Variants in PLEKHG3 observed in about 807,000 individuals in gnomAD.
The protein encoded by PLEKHG3 is pleckstrin homology and RhoGEF domain containing G3, also known as pleckstrin homology domain-containing family G member 3.
In PLEKHG3, 62 loss-of-function variants were observed where a neutral mutation model predicts 94.9. The observed-to-expected ratio is 0.65, with a 90% CI of 0.53 to 0.81. The LOEUF (loss-of-function observed/expected upper bound fraction) is 0.81. Among genes scored for constraint, PLEKHG3 ranks in the 30% least tolerant of loss-of-function variants. The pLI is 0.00. For missense variants in PLEKHG3, 1,461 were observed against 1,619.3 expected (o/e 0.90, Z 1.68); for synonymous variants, 614 against 654.0 (o/e 0.94, Z 0.93).
Position 64,712,427 on chromosome 14 carries a change from T to C in PLEKHG3, c.-40+7723T>C, listed in dbSNP as rs187950400. 4.4e-3 allele frequency among the ~76,000 whole-genome samples: 667 copies of C among 152,370 alleles called. 24 individuals are homozygous for C. The highest frequency in any genetic ancestry group is 0.039 in the Admixed American group (599 of 15,308). ...TAGATTGGTTTGTTGAGTATTGCCA[T>C]ATTAACAATGTTAAATGTTCCATTC... On this transcript the variant is annotated intron_variant, in intron 1 of 16. Transcript: ENST00000247226.
At position 64,750,195 on chromosome 14, in the gene PLEKHG3, T is replaced by C. The variant is rs566655274; in HGVS notation, c.*6492T>C. 1.1e-5 allele frequency: 18 copies of C among 1,601,204 alleles called. No individual in the cohort carries two copies. The highest frequency in any genetic ancestry group is 5.5e-5 in the South Asian group (5 of 90,186). Reference sequence around the variant, plus strand: ...CAGGCAGGTCACCCACATCCTGATATGGTATCTCTAGAGTCAATTCCTATA... The same window carrying C: ...CAGGCAGGTCACCCACATCCTGATACGGTATCTCTAGAGTCAATTCCTATA... On this transcript the variant is annotated 3_prime_UTR_variant, in exon 17 of 17. Transcript: ENST00000247226.
Position 64,730,149 on chromosome 14 carries a change from C to CT in PLEKHG3, c.450-93dup. The CT allele has an allele frequency of 1.4e-6, 1 of 704,558 alleles. No homozygotes were observed. Among genetic ancestry groups the CT allele is most frequent in the Non-Finnish European group, 2.5e-6 (1 of 400,452 alleles). 43.6% of individuals were successfully genotyped at this position (704,558 alleles called of 1,614,324 possible). ...TTCTTTAGCAAAGCAATAGGGCTGGCTGTCAGTCAGGGTTTGGGAGGTTGG... is the reference window on the plus strand; with the variant it reads ...TTCTTTAGCAAAGCAATAGGGCTGGCTTGTCAGTCAGGGTTTGGGAGGTTGG... On this transcript the variant is annotated intron_variant, in intron 3 of 16. Transcript: ENST00000247226. This position sits in a 1 kb window ranked among gnomAD's most constrained non-coding sequence, Gnocchi z 5.4.
In PLEKHG3 at chr14:64,742,916, C is replaced by T. The variant is rs535252721; in HGVS notation, c.2939-66C>T. 3.9e-5 allele frequency: 61 copies of T among 1,560,948 alleles called. 1 individual carries two copies. In the South Asian group the frequency reaches 6.3e-4, roughly 16 times the overall value. ...CCTGGAAAGTGAGTTGGGGCCTGCTCAGAGCACCCCCTTGCAGCTCTGCCC... is the reference window on the plus strand; with the variant it reads ...CCTGGAAAGTGAGTTGGGGCCTGCTTAGAGCACCCCCTTGCAGCTCTGCCC... On this transcript the variant is annotated intron_variant, in intron 16 of 16. Coordinates refer to ENST00000247226, the MANE Select transcript of PLEKHG3 (RefSeq NM_001308147.2).
rs893904967 is a variant in PLEKHG3 at position 64,749,274 on chromosome 14, C to G, written c.*5571C>G. The G allele has an allele frequency of 5.2e-6, 8 of 1,550,022 alleles. No homozygotes were observed. The African/African-American group carries it at 1.1e-4, about 21-fold the overall frequency. On this transcript the variant is annotated 3_prime_UTR_variant, in exon 17 of 17. Coordinates refer to ENST00000247226, the MANE Select transcript of PLEKHG3 (RefSeq NM_001308147.2). The surrounding 1 kb of genome is among the most constrained non-coding windows in gnomAD (Gnocchi z 4.7). ...CCTGGGCTGCCCGGTCTCTGCGCGT[C>G]CCGACTCCGCCGCGCCCGCCAGCCC...
chr14:64,749,194 C>T lies in PLEKHG3; in HGVS notation c.*5491C>T, dbSNP rs1344915527. 22 of 1,350,662 alleles carry T rather than the reference C, an allele frequency of 1.6e-5. No homozygotes were observed. The highest frequency in any genetic ancestry group is 1.8e-5 in the Non-Finnish European group (18 of 992,608). 83.7% of individuals were successfully genotyped at this position (1,350,662 alleles called of 1,614,324 possible). A position where few individuals can be genotyped will look rare whatever the true frequency, so the allele number is the denominator to read the frequency against. ...CAGCGTGGGGCCCGGGGGCCCGGCC[C>T]GCGACTCGACTCATCTCGATTCGAC... On this transcript the variant is annotated 3_prime_UTR_variant, in exon 17 of 17. Transcript: ENST00000247226. This position sits in a 1 kb window ranked among gnomAD's most constrained non-coding sequence, Gnocchi z 4.7.
intron 1 of PLEKHG3, among the ~76,000 whole-genome samples, chr14:64,709,424 C>T (rs1054184298): frequency 6.6e-6 from 1 of 152,144 alleles, no homozygotes; most frequent in African/African-American, 2.4e-5. Flanking sequence ...TACGTAAGCT[C>T]AAGGAATGGA....
Position 64,738,897 on chromosome 14 carries a change from T to C in PLEKHG3, c.1518+42T>C. 1 of 1,292,294 alleles carries C rather than the reference T, an allele frequency of 7.7e-7. No homozygotes were observed. The highest frequency in any genetic ancestry group is 1.1e-6 in the Non-Finnish European group (1 of 909,960). 80.1% of individuals were successfully genotyped at this position (1,292,294 alleles called of 1,614,324 possible). On this transcript the variant is annotated intron_variant, in intron 15 of 16. Transcript: ENST00000247226. This position sits in a 1 kb window ranked among gnomAD's most constrained non-coding sequence, Gnocchi z 4.8. ...TGGGATGGGGATAGTAGGAAGAACT[T>C]GGAGTCCAGATTTTCAAGTCTGCAA...
At chr14:64,736,060 T>C (rs1212314842) in intron 12 of PLEKHG3, among the ~76,000 whole-genome samples, 1 of 152,266 alleles carries the variant, frequency 6.6e-6, no homozygotes, top group African/African-American at 2.4e-5. Context: ...TAGACTTTCC[T>C]TCTGACTCCA....
rs201741095 is a variant in PLEKHG3, at chr14:64,743,060, C to T, written c.3017C>T (p.Ser1006Leu). The T allele has an allele frequency of 5.2e-5, 84 of 1,613,038 alleles. No homozygotes were observed. In the South Asian group the frequency reaches 5.7e-4, roughly 11 times the overall value. The change falls in exon 17 of 17, where the codon TCG becomes TTG. Residue 1006 changes from serine (S) to leucine (L), a missense_variant. Around this residue, in one of 3 missense-constraint regions of PLEKHG3, gnomAD observed 1,201 missense variants for 1,295.5 expected, o/e 0.93. Transcript: ENST00000247226. This position sits in a 1 kb window ranked among gnomAD's most constrained non-coding sequence, Gnocchi z 7.2. ...AQEHSPPKPS[S>L]AGEMSPQRFF... ...GAGCACAGCCCTCCCAAGCCCTCCT[C>T]GGCTGGGGAGATGTCACCACAGCGT... is the stretch of plus-strand genomic sequence containing the variant.
chr14:64,747,365 G>A lies in PLEKHG3; in HGVS notation c.*3662G>A, dbSNP rs1205659933. On this transcript the variant is annotated 3_prime_UTR_variant, in exon 17 of 17. Coordinates refer to ENST00000247226, the MANE Select transcript of PLEKHG3 (RefSeq NM_001308147.2). ...AAAGGCCTACTTTATTGCTAGGTGAGTGCAGTCACCTCACTGCCTTGGTTT... is the reference window on the plus strand; with the variant it reads ...AAAGGCCTACTTTATTGCTAGGTGAATGCAGTCACCTCACTGCCTTGGTTT... 2 of 152,688 alleles carry A rather than the reference G, an allele frequency of 1.3e-5. No individual in the cohort carries two copies. Among genetic ancestry groups the A allele is most frequent in the African/African-American group, 4.8e-5 (2 of 41,460 alleles). The allele number at this position is 152,688 out of a possible 1,614,324, so 9.5% of individuals were successfully genotyped here.
Position 64,743,685 on chromosome 14 carries a change from C to T in PLEKHG3, c.3642C>T (p.Ala1214=), listed in dbSNP as rs1236603964. The part of the protein sequence containing the change: ...RVRNLREKFQ[A]LNSVG ...GAAACCTTAGAGAGAAGTTCCAGGC[C>T]TTGAACTCTGTCGGTTGATGCTGAC... Residue 1214 remains alanine (A), a synonymous_variant, in exon 17 of 17, where the codon GCC becomes GCT. Transcript: ENST00000247226. The surrounding 1 kb of genome is among the most constrained non-coding windows in gnomAD (Gnocchi z 7.2). The T allele has an allele frequency of 6.4e-7, 1 of 1,566,616 alleles. No individual in the cohort carries two copies. The highest frequency in any genetic ancestry group is 8.6e-7 in the Non-Finnish European group (1 of 1,157,840).
rs2081922230 is a variant in PLEKHG3 at position 64,750,127 on chromosome 14, G to A, written c.*6424G>A. 1 of 1,614,058 alleles carries A rather than the reference G, an allele frequency of 6.2e-7. No individual in the cohort carries two copies. Among genetic ancestry groups the A allele is most frequent in the Non-Finnish European group, 8.5e-7 (1 of 1,179,990 alleles). On this transcript the variant is annotated 3_prime_UTR_variant, in exon 17 of 17. Transcript: ENST00000247226. ...TGTAGAAGGTTAGCTCACTGTTCCT[G>A]AGCACACAGTACAGGTTGTTCCAGG...
At position 64,749,428 on chromosome 14, in the gene PLEKHG3, CGTT is replaced by C. The variant is rs770027884; in HGVS notation, c.*5727_*5729del. The C allele has an allele frequency of 7.5e-6, 12 of 1,604,888 alleles. No individual in the cohort carries two copies. The highest frequency in any genetic ancestry group is 1.3e-5 in the African/African-American group (1 of 74,920). On this transcript the variant is annotated 3_prime_UTR_variant, in exon 17 of 17. Transcript: ENST00000247226. The surrounding 1 kb of genome is among the most constrained non-coding windows in gnomAD (Gnocchi z 4.7). ...GCCTTGACGCGGATGCTCTGGGACT[CGTT>C]GATGGCGGTGCTCACGCCCTGCAGC...
At position 64,716,552 on chromosome 14, in the gene PLEKHG3, A is replaced by ACACACAC. The variant is rs2081166673; in HGVS notation, c.-39-11041_-39-11040insCACACAC. ...ACACACACACACACACACACACACA[A>ACACACAC]AGCAGAGTTAATCTCCCACTTCTTC... On this transcript the variant is annotated intron_variant, in intron 1 of 16. Transcript: ENST00000247226. This position sits in a 1 kb window ranked among gnomAD's most constrained non-coding sequence, Gnocchi z 5.0. Among the ~76,000 whole-genome samples the ACACACAC allele has an allele frequency of 1.1e-4, 8 of 74,710 alleles. No homozygotes were observed. The highest frequency in any genetic ancestry group is 4.6e-4 in the South Asian group (1 of 2,196). The allele number at this position is 74,710 out of a possible 152,430, so 49.0% of individuals were successfully genotyped here.
rs773544566 is a variant in PLEKHG3 at position 64,749,992 on chromosome 14, G to A, written c.*6289G>A. 23 of 1,614,106 alleles carry A rather than the reference G, an allele frequency of 1.4e-5. No individual in the cohort carries two copies. Among genetic ancestry groups the A allele is most frequent in the Non-Finnish European group, 1.9e-5 (23 of 1,180,048 alleles). On this transcript the variant is annotated 3_prime_UTR_variant, in exon 17 of 17. Coordinates refer to ENST00000247226, the MANE Select transcript of PLEKHG3 (RefSeq NM_001308147.2). This position sits in a 1 kb window ranked among gnomAD's most constrained non-coding sequence, Gnocchi z 4.7. ...CAGGAAGGCCTCACCTCAGCTTAAA[G>A]ACGTGCTTCTTCTTCTTGTAGTTGG...
chr14:64,749,967 C>T lies in PLEKHG3; in HGVS notation c.*6264C>T, dbSNP rs764069251. On this transcript the variant is annotated 3_prime_UTR_variant, in exon 17 of 17. Transcript: ENST00000247226. The surrounding 1 kb of genome is among the most constrained non-coding windows in gnomAD (Gnocchi z 4.7). Reference sequence around the variant, plus strand: ...GCCATCAACCCGAGCTTTCAAAGGCCAGGAAGGCCTCACCTCAGCTTAAAG... The same window carrying T: ...GCCATCAACCCGAGCTTTCAAAGGCTAGGAAGGCCTCACCTCAGCTTAAAG... 6.2e-7 allele frequency: 1 copy of T among 1,614,082 alleles called. No individual in the cohort carries two copies. Among genetic ancestry groups the T allele is most frequent in the East Asian group, 2.2e-5 (1 of 44,900 alleles).
chr14:64,746,614 AGG>A lies in PLEKHG3; in HGVS notation c.*2912_*2913del. 6.6e-6 allele frequency: 1 copy of A among 152,532 alleles called. No homozygotes were observed. The highest frequency in any genetic ancestry group is 1.9e-4 in the East Asian group (1 of 5,146). The allele number at this position is 152,532 out of a possible 1,614,324, so 9.4% of individuals were successfully genotyped here. A position where few individuals can be genotyped will look rare whatever the true frequency, so the allele number is the denominator to read the frequency against. On this transcript the variant is annotated 3_prime_UTR_variant, in exon 17 of 17. Coordinates refer to ENST00000247226, the MANE Select transcript of PLEKHG3 (RefSeq NM_001308147.2). The surrounding 1 kb of genome is among the most constrained non-coding windows in gnomAD (Gnocchi z 4.9). ...TAGGCAGGAAGGAGGAGGGATGCGGAGGAGAGGCTGAGCCTTCCACGGGCCTC... is the reference window on the plus strand; with the variant it reads ...TAGGCAGGAAGGAGGAGGGATGCGGAAGAGGCTGAGCCTTCCACGGGCCTC...
rs774463924 is a variant in PLEKHG3 at position 64,749,954 on chromosome 14, A to G, written c.*6251A>G. 6.2e-7 allele frequency: 1 copy of G among 1,614,124 alleles called. No individual in the cohort carries two copies. Among genetic ancestry groups the G allele is most frequent in the African/African-American group, 1.3e-5 (1 of 75,040 alleles). On this transcript the variant is annotated 3_prime_UTR_variant, in exon 17 of 17. Coordinates refer to ENST00000247226, the MANE Select transcript of PLEKHG3 (RefSeq NM_001308147.2). The surrounding 1 kb of genome is among the most constrained non-coding windows in gnomAD (Gnocchi z 4.7). Reference sequence around the variant, plus strand: ...AATGCCAAATCAAGCCATCAACCCGAGCTTTCAAAGGCCAGGAAGGCCTCA... The same window carrying G: ...AATGCCAAATCAAGCCATCAACCCGGGCTTTCAAAGGCCAGGAAGGCCTCA...
In PLEKHG3 at chr14:64,715,942, G is replaced by A; in HGVS notation, c.-40+11238G>A. 1 of 436,306 alleles carries A rather than the reference G, an allele frequency of 2.3e-6. No homozygotes were observed. The highest frequency in any genetic ancestry group is 2.0e-5 in the African/African-American group (1 of 49,292). 27.0% of individuals were successfully genotyped at this position (436,306 alleles called of 1,614,324 possible). A position where few individuals can be genotyped will look rare whatever the true frequency, so the allele number is the denominator to read the frequency against. ...TATTGACGAAGTTTTGCAGGAGGCG[G>A]CGGGCGCTTTAATTCCCGAGGCTGT... On this transcript the variant is annotated intron_variant, in intron 1 of 16. Coordinates refer to ENST00000247226, the MANE Select transcript of PLEKHG3 (RefSeq NM_001308147.2). The surrounding 1 kb of genome is among the most constrained non-coding windows in gnomAD (Gnocchi z 4.4).
Sources: allele counts gnomAD v4.1 joint callset (sites outside exome capture counted in the v4.1 genomes callset), GRCh38; gene constraint gnomAD v4.1.1; regional missense constraint gnomAD v4.1.1; non-coding constraint Gnocchi (gnomAD v3.1); transcripts MANE v1.5; gene names NCBI Gene and HGNC (gene_info 2026-07-23, HGNC 2026-07-21).